NCKAP5: variants seen among roughly 807,000 people sequenced by gnomAD.
The protein encoded by NCKAP5 is nck-associated protein 5.
In NCKAP5, 92 loss-of-function variants were observed where a neutral mutation model predicts 167.0. The ratio of observed to expected loss-of-function variants is 0.55; its 90% confidence interval spans 0.47 to 0.66. NCKAP5 has a LOEUF of 0.66. Among genes scored for constraint, NCKAP5 ranks in the 30% least tolerant of loss-of-function variants. The probability of loss-of-function intolerance (pLI) is 0.00; values close to 1 mark genes in which losing one functional copy is unlikely to be tolerated. For synonymous variants in NCKAP5, 891 were observed against 877.4 expected (o/e 1.02, Z -0.27); for missense variants, 2,378 against 2,315.0 (o/e 1.03, Z -0.56).
intron 8 of NCKAP5, among the ~76,000 whole-genome samples, chr2:132,947,793 G>A (rs1038203615): frequency 1.3e-5 from 2 of 152,016 alleles, no homozygotes; most frequent in Non-Finnish European, 1.5e-5. Context: ...ATTTCACTTC[G>A]GGAGATTTCA....
At chr2:132,732,151 C>T in intron 16 of NCKAP5, 100 bp from the exon 17 acceptor site, 1 of 1,131,890 alleles carries the variant, frequency 8.8e-7, no homozygotes, top group East Asian at 2.6e-5. Flanking sequence ...AAAGGAGACA[C>T]CTAGAAGGGT....
intron 8 of NCKAP5, among the ~76,000 whole-genome samples, chr2:132,895,234 G>A (rs1574550157): frequency 6.6e-6 from 1 of 151,862 alleles, no homozygotes; most frequent in East Asian, 1.9e-4. Flanking sequence ...TGGAGGCTGA[G>A]GCAGGAGAAT....
intron 16 of NCKAP5, among the ~76,000 whole-genome samples, chr2:132,738,690 A>G (rs1691749951): frequency 1.3e-5 from 2 of 152,136 alleles, no homozygotes. Flanking sequence ...GAAAAGAGAT[A>G]TATTTCATAA....
intron 4 of NCKAP5, among the ~76,000 whole-genome samples, chr2:133,275,340 G>A (rs940199647): frequency 1.1e-4 from 16 of 151,836 alleles, no homozygotes; most frequent in South Asian, 2.1e-4. Flanking sequence ...GAAGGTGTTC[G>A]TACTCTGTGA....
At chr2:133,384,585 C>A (rs1686789811) in intron 3 of NCKAP5, among the ~76,000 whole-genome samples, 1 of 152,194 alleles carries the variant, frequency 6.6e-6, no homozygotes, top group Non-Finnish European at 1.5e-5. Flanking sequence ...TTTTCCAATT[C>A]TGTGAAGAAA....
the NCKAP5 span, among the ~76,000 whole-genome samples, chr2:133,592,887 G>A: frequency 6.6e-6 from 1 of 152,102 alleles, no homozygotes; most frequent in African/African-American, 2.4e-5. Flanking sequence ...GCTTCATCAG[G>A]GGCTAGATGG....
rs1047064659 is a variant in NCKAP5, at chr2:132,672,320, T to C, written c.*969A>G. 24 of 152,280 alleles carry C rather than the reference T, an allele frequency of 1.6e-4. No individual in the cohort carries two copies. Among genetic ancestry groups the C allele is most frequent in the African/African-American group, 5.6e-4 (23 of 41,438 alleles). 9.4% of individuals were successfully genotyped at this position (152,280 alleles called of 1,614,324 possible). ...TAAAGAAATGTCTGGAAGGAAAAAC[T>C]GGTATTGGGAATAGAATTCGGTCAT... On this transcript the variant is annotated 3_prime_UTR_variant, in exon 20 of 20. Transcript: ENST00000409261.
intron 3 of NCKAP5, among the ~76,000 whole-genome samples, chr2:133,513,339 C>T (rs976971820): frequency 1.3e-5 from 2 of 152,188 alleles, no homozygotes; most frequent in Non-Finnish European, 2.9e-5. Flanking sequence ...GGTCCATGAC[C>T]AAGCAGGGTG....
intron 4 of NCKAP5, among the ~76,000 whole-genome samples, chr2:133,215,123 CT>C (rs1272535245): frequency 6.6e-5 from 10 of 152,220 alleles, no homozygotes; most frequent in Admixed American, 1.3e-4. Context: ...TGTGAGTACA[CT>C]TCTAAGAAGG....
chr2:132,969,081 A>C (rs2076750944), intron 7 of NCKAP5, among the ~76,000 whole-genome samples: 1 of 152,158 alleles, frequency 6.6e-6, no homozygotes, highest in Non-Finnish European at 1.5e-5. Flanking sequence ...TCTGTTGCCC[A>C]GGCTGGGGTG....
intron 6 of NCKAP5, among the ~76,000 whole-genome samples, chr2:133,059,513 A>T (rs529651409): frequency 2.2e-4 from 33 of 151,936 alleles, no homozygotes; most frequent in African/African-American, 7.7e-4. Flanking sequence ...TCTACAAAAA[A>T]ATTACAAAAA....
At chr2:133,583,727 T>C in the NCKAP5 span, among the ~76,000 whole-genome samples, 1 of 152,128 alleles carries the variant, frequency 6.6e-6, no homozygotes, top group African/African-American at 2.4e-5. Context: ...TAAGATAAAG[T>C]CAAATGAAAA....
At chr2:133,651,886 T>C in the NCKAP5 span, among the ~76,000 whole-genome samples, 1 of 152,210 alleles carries the variant, frequency 6.6e-6, no homozygotes, top group African/African-American at 2.4e-5. Flanking sequence ...ATCCTTTCAA[T>C]GGTTGGGGTT....
intron 8 of NCKAP5, among the ~76,000 whole-genome samples, chr2:132,933,797 A>G (rs1468967822): frequency 2.0e-5 from 3 of 152,238 alleles, no homozygotes; most frequent in Admixed American, 2.0e-4. Context: ...CTGAGAAGCC[A>G]GGAAGTTCTG....
intron 3 of NCKAP5, among the ~76,000 whole-genome samples, chr2:133,403,728 C>G (rs1008731069): frequency 6.6e-6 from 1 of 152,204 alleles, no homozygotes; most frequent in Non-Finnish European, 1.5e-5. Flanking sequence ...TCCTGTGATG[C>G]TCCAAGTCCC....
intron 5 of NCKAP5, among the ~76,000 whole-genome samples, chr2:133,155,892 T>C (rs959380251): frequency 6.6e-6 from 1 of 152,218 alleles, no homozygotes; most frequent in Non-Finnish European, 1.5e-5. Flanking sequence ...AATAAGTCTT[T>C]CTCTTTTTCT....
the NCKAP5 span, among the ~76,000 whole-genome samples, chr2:133,633,001 C>A: frequency 6.6e-6 from 1 of 152,204 alleles, no homozygotes; most frequent in East Asian, 1.9e-4. Flanking sequence ...AGAGCACCTG[C>A]CTTTTCCTTT....
intron 5 of NCKAP5, among the ~76,000 whole-genome samples, chr2:133,170,412 G>C (rs1353103516): frequency 6.6e-6 from 1 of 152,116 alleles, no homozygotes; most frequent in African/African-American, 2.4e-5. Context: ...GAAATGGTGT[G>C]TCATGAATAT....
chr2:133,037,343 A>G (rs531275821), intron 6 of NCKAP5, among the ~76,000 whole-genome samples: 1 of 152,324 alleles, frequency 6.6e-6, no homozygotes, highest in East Asian at 1.9e-4. Context: ...AGCCAAAGCT[A>G]TCCTAAGCAG....
Sources: allele counts gnomAD v4.1 joint callset (sites outside exome capture counted in the v4.1 genomes callset), GRCh38; gene constraint gnomAD v4.1.1; transcripts MANE v1.5; gene names NCBI Gene and HGNC (gene_info 2026-07-23, HGNC 2026-07-21).